HTT: variants seen among roughly 807,000 people sequenced by gnomAD.
HTT encodes huntington disease protein.
In HTT, 104 loss-of-function variants were observed where a neutral mutation model predicts 362.3. The observed-to-expected ratio is 0.29, with a 90% CI of 0.24 to 0.34. The LOEUF is 0.34. Among genes scored for constraint, HTT ranks in the 10% least tolerant of loss-of-function variants. HTT has a pLI of 1.00. For synonymous variants in HTT, 1,577 were observed against 1,548.7 expected (o/e 1.02, Z -0.43); for missense variants, 3,301 against 3,928.6 (o/e 0.84, Z 4.27).
intron 25 of HTT, among the ~76,000 whole-genome samples, chr4:3,147,571 A>G (rs1388891728): frequency 1.3e-5 from 2 of 152,246 alleles, no homozygotes; most frequent in Non-Finnish European, 2.9e-5. Context: ...CTAAAAGATG[A>G]GTATTTTAAT....
intron 1 of HTT, among the ~76,000 whole-genome samples, chr4:3,081,095 A>G (rs952651982): frequency 6.6e-6 from 1 of 152,212 alleles, no homozygotes; most frequent in Non-Finnish European, 1.5e-5. Flanking sequence ...TACGAATTGT[A>G]GGATCAGCTT....
At chr4:3,090,669 C>T (rs921698427) in intron 2 of HTT, among the ~76,000 whole-genome samples, 2 of 152,204 alleles carry the variant, frequency 1.3e-5, no homozygotes, top group African/African-American at 4.8e-5. Flanking sequence ...TAGGTGACCA[C>T]TTTCTAGATA....
rs75708960 is a variant in HTT, at chr4:3,191,052, G to A, written c.5368+1959G>A. The stretch of plus-strand genomic sequence containing the variant: ...AAAAGGTTCTCCTTTAAGCGGCTTA[G>A]GAGTCACGATCAAAGACCTATAGAA... On this transcript the variant is annotated intron_variant, in intron 40 of 66. Coordinates refer to ENST00000355072, the MANE Select transcript of HTT (RefSeq NM_001388492.1). 6.1e-3 allele frequency among the ~76,000 whole-genome samples: 929 copies of A among 152,294 alleles called. 11 individuals carry two copies. Among genetic ancestry groups the A allele is most frequent in the African/African-American group, 0.021 (874 of 41,556 alleles).
At chr4:3,082,701 A>T (rs1712980020) in intron 1 of HTT, among the ~76,000 whole-genome samples, 1 of 152,142 alleles carries the variant, frequency 6.6e-6, no homozygotes, top group Non-Finnish European at 1.5e-5. Flanking sequence ...GTTGCTAATA[A>T]CAATGCAAGC....
intron 9 of HTT, chr4:3,121,758 T>A (rs1715308812): frequency 4.9e-6 from 1 of 204,810 alleles, no homozygotes; most frequent in South Asian, 7.8e-5. Flanking sequence ...CCCAGCTGCT[T>A]TGGAGGCTGA....
intron 1 of HTT, among the ~76,000 whole-genome samples, chr4:3,080,240 G>A (rs576108858): frequency 1.3e-5 from 2 of 152,074 alleles, no homozygotes; most frequent in African/African-American, 4.8e-5. Context: ...GATTACAGGC[G>A]TATACCACCA....
At chr4:3,118,589 C>T (rs1445000084) in intron 8 of HTT, among the ~76,000 whole-genome samples, 1 of 152,156 alleles carries the variant, frequency 6.6e-6, no homozygotes, top group Non-Finnish European at 1.5e-5. Context: ...AAGGGTGGGT[C>T]CTGAAAAGGC....
chr4:3,205,296 A>G lies in HTT; in HGVS notation c.5718+1148A>G, dbSNP rs1719805051. On this transcript the variant is annotated intron_variant, in intron 42 of 66. Coordinates refer to ENST00000355072, the MANE Select transcript of HTT (RefSeq NM_001388492.1). ...ACATATGCATTTCTTTGTCACAAAC[A>G]TGGTATCTTATAGATACTACTGTCA... 2.6e-5 allele frequency among the ~76,000 whole-genome samples: 4 copies of G among 152,272 alleles called. No individual in the cohort carries two copies. The South Asian group carries it at 6.2e-4, about 24-fold the overall frequency.
At chr4:3,192,937 C>G (rs892194790) in intron 40 of HTT, among the ~76,000 whole-genome samples, 2 of 152,234 alleles carry the variant, frequency 1.3e-5, no homozygotes, top group East Asian at 1.9e-4. Context: ...CACGGAACTT[C>G]CAGTCAGTGC....
intron 29 of HTT, among the ~76,000 whole-genome samples, chr4:3,164,454 G>C (rs1015949262): frequency 2.0e-5 from 3 of 152,214 alleles, no homozygotes; most frequent in Non-Finnish European, 4.4e-5. Flanking sequence ...GCTTGGTCCA[G>C]TGCTGAGTTC....
At chr4:3,181,398 C>T (rs1361666540) in intron 36 of HTT, among the ~76,000 whole-genome samples, 1 of 152,192 alleles carries the variant, frequency 6.6e-6, no homozygotes, top group African/African-American at 2.4e-5. Context: ...ACTATTTTGA[C>T]ATAGGGCTAA....
At position 3,225,753 on chromosome 4, in the gene HTT, G is replaced by C. The variant is rs1451304585; in HGVS notation, c.7848+10G>C. Reference sequence around the variant, plus strand: ...CTACAAACTCGGCCAGGTCAGTCTCGCGCCCCCGCCGCCTGGCCTCTGTCC... The same window carrying C: ...CTACAAACTCGGCCAGGTCAGTCTCCCGCCCCCGCCGCCTGGCCTCTGTCC... On this transcript the variant is annotated intron_variant, in intron 57 of 66. Transcript: ENST00000355072. The C allele has an allele frequency of 6.2e-7, 1 of 1,609,636 alleles. No homozygotes were observed. The highest frequency in any genetic ancestry group is 8.5e-7 in the Non-Finnish European group (1 of 1,177,600).
intron 41 of HTT, among the ~76,000 whole-genome samples, chr4:3,201,258 G>C (rs1289704632): frequency 6.6e-6 from 1 of 152,130 alleles, no homozygotes; most frequent in East Asian, 1.9e-4. Context: ...GCTGGGCGTG[G>C]TGGCTCATGC....
chr4:3,178,560 C>G, intron 35 of HTT, 114 bp downstream of exon 35: 3 of 852,908 alleles, frequency 3.5e-6, no homozygotes, highest in Non-Finnish European at 5.6e-6. Context: ...TTCTCAGGCT[C>G]TGCATGTGTG....
At chr4:3,178,210 G>A (rs1718329532) in intron 34 of HTT, 88 bp from the exon 35 acceptor site, 2 of 1,034,086 alleles carry the variant, frequency 1.9e-6, no homozygotes, top group Non-Finnish European at 2.9e-6. Context: ...TTGCTGTCAA[G>A]GTTGAATCAT....
intron 40 of HTT, among the ~76,000 whole-genome samples, chr4:3,190,300 T>C (rs866750048): frequency 6.7e-6 from 1 of 149,632 alleles, no homozygotes; most frequent in Admixed American, 6.6e-5. Flanking sequence ...GGAGCTATTA[T>C]TGCACTCCAG....
chr4:3,090,475 A>G (rs868800228), intron 2 of HTT, among the ~76,000 whole-genome samples: 3 of 152,264 alleles, frequency 2.0e-5, no homozygotes, highest in Non-Finnish European at 4.4e-5. Flanking sequence ...ATGTACCTTG[A>G]TAAGGTGGCT....
intron 40 of HTT, among the ~76,000 whole-genome samples, chr4:3,197,366 G>A (rs1426724253): frequency 2.6e-5 from 4 of 152,094 alleles, no homozygotes; most frequent in Non-Finnish European, 5.9e-5. Context: ...TAGCACCACT[G>A]TCACTCTCCA....
intron 8 of HTT, among the ~76,000 whole-genome samples, chr4:3,118,459 G>A (rs1223344225): frequency 1.3e-5 from 2 of 152,134 alleles, no homozygotes; most frequent in East Asian, 1.9e-4. Context: ...AATCTGACCC[G>A]GCACAGAGTT....
Sources: allele counts gnomAD v4.1 joint callset (sites outside exome capture counted in the v4.1 genomes callset), GRCh38; gene constraint gnomAD v4.1.1; transcripts MANE v1.5; gene names NCBI Gene and HGNC (gene_info 2026-07-23, HGNC 2026-07-21).